Variants in ARL8B observed in about 807,000 individuals in gnomAD.
The protein encoded by ARL8B is ADP-ribosylation factor-like protein 8B.
In ARL8B, 9 loss-of-function variants were observed where a neutral mutation model predicts 30.6. That is an observed-to-expected ratio of 0.29 (90% confidence interval 0.18 to 0.51). The LOEUF (loss-of-function observed/expected upper bound fraction) is 0.51, where lower values mean the gene tolerates loss of function less well. ARL8B is among the 20% of genes least tolerant of loss of function. The probability of loss-of-function intolerance (pLI) is 0.97; values close to 1 mark genes in which losing one functional copy is unlikely to be tolerated. For missense variants in ARL8B, 130 were observed against 227.2 expected (o/e 0.57, Z 2.75); for synonymous variants, 74 against 76.0 (o/e 0.97, Z 0.14).
intron 1 of ARL8B, among the ~76,000 whole-genome samples, chr3:5,124,161 G>T (rs1460682184): frequency 1.3e-5 from 2 of 151,572 alleles, no homozygotes; most frequent in Non-Finnish European, 2.9e-5. Flanking sequence ...GAGCCACCGC[G>T]CCTGGCCTCC....
chr3:5,168,604 A>G (rs2054643832), intron 1 of ARL8B, among the ~76,000 whole-genome samples: 1 of 152,230 alleles, frequency 6.6e-6, no homozygotes, highest in Non-Finnish European at 1.5e-5. Flanking sequence ...ACATTATTTT[A>G]TTATGAAGTG....
At chr3:5,150,989 G>A (rs1455145014) in intron 1 of ARL8B, among the ~76,000 whole-genome samples, 1 of 152,064 alleles carries the variant, frequency 6.6e-6, no homozygotes, top group African/African-American at 2.4e-5. Flanking sequence ...TATGAGCATA[G>A]CGTGTTTATA....
chr3:5,133,639 T>A (rs1454826119), intron 1 of ARL8B, among the ~76,000 whole-genome samples: 1 of 152,056 alleles, frequency 6.6e-6, no homozygotes, highest in African/African-American at 2.4e-5. Flanking sequence ...TAAATTGTAT[T>A]ACAGGCTGGG....
chr3:5,132,497 C>T (rs1170703556), intron 1 of ARL8B, among the ~76,000 whole-genome samples: 1 of 152,174 alleles, frequency 6.6e-6, no homozygotes, highest in Non-Finnish European at 1.5e-5. Context: ...CTTCGGCCTC[C>T]CAAAGTGCTG....
At chr3:5,167,593 T>G (rs1254198825) in intron 1 of ARL8B, among the ~76,000 whole-genome samples, 3 of 152,218 alleles carry the variant, frequency 2.0e-5, no homozygotes, top group Non-Finnish European at 4.4e-5. Flanking sequence ...ATCCAGATCT[T>G]AAGAACAATG....
At chr3:5,150,348 A>C (rs1318401027) in intron 1 of ARL8B, among the ~76,000 whole-genome samples, 1 of 151,824 alleles carries the variant, frequency 6.6e-6, no homozygotes, top group Non-Finnish European at 1.5e-5. Context: ...CTGTAATCCC[A>C]GCTACTCAGG....
chr3:5,143,105 G>A (rs1163710830), intron 1 of ARL8B, among the ~76,000 whole-genome samples: 1 of 152,194 alleles, frequency 6.6e-6, no homozygotes, highest in East Asian at 1.9e-4. Context: ...CTATCTCTGA[G>A]TTTCAAAATT....
chr3:5,122,700 G>A, intron 1 of ARL8B, 112 bp downstream of exon 1: 2 of 1,260,202 alleles, frequency 1.6e-6, no homozygotes, highest in Non-Finnish European at 2.2e-6. Flanking sequence ...TGATGGCGGG[G>A]GGCGTGCGAA....
At chr3:5,155,843 G>T (rs1163088183) in intron 1 of ARL8B, among the ~76,000 whole-genome samples, 1 of 128,478 alleles carries the variant, frequency 7.8e-6, no homozygotes, top group Non-Finnish European at 1.6e-5. Flanking sequence ...TTTTCTCAGT[G>T]TTTTTTTTTT....
chr3:5,164,880 T>C (rs1263112326), intron 1 of ARL8B, among the ~76,000 whole-genome samples: 2 of 152,220 alleles, frequency 1.3e-5, no homozygotes, highest in African/African-American at 4.8e-5. Context: ...GCTTTTCTTT[T>C]TCTGGCATTG....
intron 1 of ARL8B, among the ~76,000 whole-genome samples, chr3:5,143,648 A>C (rs937474863): frequency 1.2e-4 from 19 of 152,226 alleles, no homozygotes; most frequent in Non-Finnish European, 2.1e-4. Flanking sequence ...GGAGCACTTC[A>C]TAGGGACCTT....
At chr3:5,167,893 T>C (rs140374070) in intron 1 of ARL8B, among the ~76,000 whole-genome samples, 1 of 152,294 alleles carries the variant, frequency 6.6e-6, no homozygotes, top group Non-Finnish European at 1.5e-5. Context: ...AACTGAGTGG[T>C]TATAGTTGTT....
At chr3:5,153,326 C>G (rs2054502561) in intron 1 of ARL8B, among the ~76,000 whole-genome samples, 1 of 152,120 alleles carries the variant, frequency 6.6e-6, no homozygotes, top group Non-Finnish European at 1.5e-5. Flanking sequence ...GCAGATCTTT[C>G]CCACGCTGTT....
intron 1 of ARL8B, among the ~76,000 whole-genome samples, chr3:5,150,643 C>T (rs970472262): frequency 9.2e-5 from 14 of 151,542 alleles, no homozygotes; most frequent in African/African-American, 2.7e-4. Flanking sequence ...CTTAGCTGGG[C>T]GTGGTGGCAC....
intron 3 of ARL8B, 77 bp from the exon 4 acceptor site, chr3:5,172,570 A>AG (rs1408356332): frequency 2.0e-6 from 2 of 1,006,196 alleles, no homozygotes; most frequent in African/African-American, 3.3e-5. Context: ...TCTTACAAAA[A>AG]TTAAAAATCA....
intron 1 of ARL8B, among the ~76,000 whole-genome samples, chr3:5,143,519 T>C (rs1398091852): frequency 6.6e-6 from 1 of 152,224 alleles, no homozygotes; most frequent in Non-Finnish European, 1.5e-5. Flanking sequence ...GCACAGGTGA[T>C]CCATGCACTT....
chr3:5,125,167 T>C (rs937039562), intron 1 of ARL8B, among the ~76,000 whole-genome samples: 1 of 152,172 alleles, frequency 6.6e-6, no homozygotes, highest in African/African-American at 2.4e-5. Context: ...GAGGTAATGA[T>C]ATGTTTCTTA....
At chr3:5,159,857 C>A (rs983274042) in intron 1 of ARL8B, among the ~76,000 whole-genome samples, 1 of 151,578 alleles carries the variant, frequency 6.6e-6, no homozygotes, top group Non-Finnish European at 1.5e-5. Flanking sequence ...CCAGTTTTCC[C>A]AAGAAAGAAG....
intron 1 of ARL8B, among the ~76,000 whole-genome samples, chr3:5,151,178 G>T (rs983515030): frequency 6.6e-5 from 10 of 151,936 alleles, no homozygotes; most frequent in Non-Finnish European, 1.2e-4. Flanking sequence ...ATTATTTACT[G>T]CTCTTACCAT....
Sources: allele counts gnomAD v4.1 joint callset (sites outside exome capture counted in the v4.1 genomes callset), GRCh38; gene constraint gnomAD v4.1.1; transcripts MANE v1.5; gene names NCBI Gene and HGNC (gene_info 2026-07-23, HGNC 2026-07-21).